The following SCHIP1 variants were observed in gnomAD, a reference collection of about 807,000 sequenced individuals.
The protein encoded by SCHIP1 is schwannomin-interacting protein 1.
In SCHIP1, 8 loss-of-function variants were observed where a neutral mutation model predicts 29.7. That is an observed-to-expected ratio of 0.27 (90% confidence interval 0.16 to 0.49). The LOEUF is 0.49. SCHIP1 is among the 20% of genes least tolerant of loss of function. SCHIP1 has a pLI of 0.99. For missense variants in SCHIP1, 193 were observed against 294.6 expected, an observed-to-expected ratio of 0.66 and a Z score of 2.52; for synonymous variants, 76 against 94.9, an observed-to-expected ratio of 0.80 and a Z score of 1.16.
chr3:159,620,346 ATAAGAAAAATGGC>A, the SCHIP1 span, among the ~76,000 whole-genome samples: 3 of 152,326 alleles, frequency 2.0e-5, no homozygotes, highest in African/African-American at 7.2e-5. Flanking sequence ...GGGAAACAGG[ATAAGAAAAATGGC>A]ACTAAGAACT....
At chr3:159,409,617 G>A in the SCHIP1 span, among the ~76,000 whole-genome samples, 7 of 152,024 alleles carry the variant, frequency 4.6e-5, no homozygotes, top group African/African-American at 1.7e-4. Context: ...ATAAAAGAAT[G>A]ATGAAAGAAA....
At chr3:159,888,992 T>C (rs755921758) in intron 5 of SCHIP1, 49 bp downstream of exon 6, 2 of 1,596,278 alleles carry the variant, frequency 1.3e-6, no homozygotes, top group South Asian at 1.1e-5. Context: ...TAAAACATTA[T>C]GGGATAATGC....
chr3:159,537,253 C>A, the SCHIP1 span, among the ~76,000 whole-genome samples: 1 of 152,180 alleles, frequency 6.6e-6, no homozygotes, highest in Admixed American at 6.6e-5. Flanking sequence ...CACCCCAGTT[C>A]TGAAGGAACA....
chr3:159,630,779 G>A, the SCHIP1 span, among the ~76,000 whole-genome samples: 1 of 152,122 alleles, frequency 6.6e-6, no homozygotes, highest in African/African-American at 2.4e-5. Context: ...TACACTGCTT[G>A]GGCGATGGGT....
the SCHIP1 span, among the ~76,000 whole-genome samples, chr3:159,619,285 A>C: frequency 6.6e-6 from 1 of 152,200 alleles, no homozygotes; most frequent in Non-Finnish European, 1.5e-5. Flanking sequence ...CTCTCTGGTA[A>C]TGCCTGGAAA....
chr3:159,664,692 A>T, the SCHIP1 span, among the ~76,000 whole-genome samples: 1 of 152,188 alleles, frequency 6.6e-6, no homozygotes, highest in East Asian at 1.9e-4. Context: ...TAGGGTAGAG[A>T]GAGCACCATG....
the SCHIP1 span, among the ~76,000 whole-genome samples, chr3:159,711,716 C>G: frequency 6.6e-6 from 1 of 152,070 alleles, no homozygotes; most frequent in East Asian, 1.9e-4. Flanking sequence ...TTACAGAAAA[C>G]AGAAACCACT....
At chr3:159,428,649 G>A in the SCHIP1 span, among the ~76,000 whole-genome samples, 3 of 150,426 alleles carry the variant, frequency 2.0e-5, no homozygotes, top group Admixed American at 6.6e-5. Context: ...GATTCCTCAG[G>A]GATCTAGAAC....
the SCHIP1 span, among the ~76,000 whole-genome samples, chr3:159,294,906 T>C: frequency 6.6e-6 from 1 of 152,054 alleles, no homozygotes; most frequent in East Asian, 1.9e-4. Context: ...AGGAATACTC[T>C]TCATAAGCAT....
At chr3:159,723,504 T>C in the SCHIP1 span, among the ~76,000 whole-genome samples, 1 of 152,190 alleles carries the variant, frequency 6.6e-6, no homozygotes, top group African/African-American at 2.4e-5. Flanking sequence ...TGTTCTTCCA[T>C]AAGAACATTT....
the SCHIP1 span, among the ~76,000 whole-genome samples, chr3:159,705,793 G>T: frequency 6.6e-6 from 1 of 152,070 alleles, no homozygotes; most frequent in African/African-American, 2.4e-5. Flanking sequence ...TGCAAGCTCC[G>T]CCTCCCGGGT....
the SCHIP1 span, among the ~76,000 whole-genome samples, chr3:159,415,291 G>A: frequency 6.6e-6 from 1 of 152,120 alleles, no homozygotes; most frequent in South Asian, 2.1e-4. Context: ...TGCATTGCTG[G>A]ATATTTTGTT....
the SCHIP1 span, among the ~76,000 whole-genome samples, chr3:159,494,368 A>T: frequency 2.1e-3 from 321 of 152,296 alleles, 1 homozygote; most frequent in Non-Finnish European, 9.0e-4. Context: ...AAGACTAATA[A>T]AGAAGAAAAG....
the SCHIP1 span, among the ~76,000 whole-genome samples, chr3:159,362,568 TC>T: frequency 1.8e-4 from 28 of 152,192 alleles, no homozygotes; most frequent in Admixed American, 3.3e-4. Flanking sequence ...ACCTCATTGT[TC>T]AGTTGGGCAT....
chr3:159,394,891 T>C, the SCHIP1 span, among the ~76,000 whole-genome samples: 1 of 152,184 alleles, frequency 6.6e-6, no homozygotes, highest in African/African-American at 2.4e-5. Flanking sequence ...GAAGGAATGG[T>C]ACCAGTTCCT....
chr3:159,792,925 T>C, the SCHIP1 span, among the ~76,000 whole-genome samples: 1 of 152,246 alleles, frequency 6.6e-6, no homozygotes, highest in East Asian at 1.9e-4. Flanking sequence ...AATTTGTTCA[T>C]AGCCTTAAGC....
chr3:159,863,862 AGCTCT>A (rs1714327380), intron 1 of SCHIP1, among the ~76,000 whole-genome samples: 1 of 152,210 alleles, frequency 6.6e-6, no homozygotes, highest in Non-Finnish European at 1.5e-5. Flanking sequence ...CAATATCTGT[AGCTCT>A]AGTTTATCAA....
chr3:159,727,427 C>T, the SCHIP1 span, among the ~76,000 whole-genome samples: 32 of 152,272 alleles, frequency 2.1e-4, 1 homozygote, highest in East Asian at 5.6e-3. Flanking sequence ...TTCTGAAGAG[C>T]CCAGCATGTT....
chr3:159,741,667 G>A, the SCHIP1 span, among the ~76,000 whole-genome samples: 2 of 152,148 alleles, frequency 1.3e-5, no homozygotes, highest in Non-Finnish European at 2.9e-5. Context: ...ACATAGAAAA[G>A]GCCATATGGG....
Sources: gnomAD v4.1 joint callset for allele counts (sites outside exome capture counted in the v4.1 genomes callset) on GRCh38, gnomAD v4.1.1 for gene constraint, MANE v1.5 for transcripts, NCBI Gene and HGNC (gene_info 2026-07-23, HGNC 2026-07-21) for gene names.